Variants in TMEM117 observed in about 807,000 individuals in gnomAD.
TMEM117 encodes transmembrane protein 117.
A neutral mutation model predicts 52.4 loss-of-function variants in TMEM117; 27 were observed. That is an observed-to-expected ratio of 0.51 (90% confidence interval 0.38 to 0.71). The LOEUF (loss-of-function observed/expected upper bound fraction) is 0.71, where lower values mean the gene tolerates loss of function less well. Ranked by LOEUF, TMEM117 falls within the 30% of genes least tolerant of loss-of-function variation. The pLI is 0.00. For synonymous variants in TMEM117, 215 were observed against 206.3 expected, an observed-to-expected ratio of 1.04 and a Z score of -0.36; for missense variants, 556 against 630.5, an observed-to-expected ratio of 0.88 and a Z score of 1.26.
At chr12:43,942,829 T>C (rs1400830713) in intron 2 of TMEM117, among the ~76,000 whole-genome samples, 1 of 152,038 alleles carries the variant, frequency 6.6e-6, no homozygotes, top group Non-Finnish European at 1.5e-5. Flanking sequence ...CAGATAGAAA[T>C]ACATACATAT....
At chr12:43,935,801 GA>G (rs1416885431) in intron 2 of TMEM117, among the ~76,000 whole-genome samples, 1 of 152,166 alleles carries the variant, frequency 6.6e-6, no homozygotes, top group African/African-American at 2.4e-5. Flanking sequence ...TATTAACAAA[GA>G]AGACAACTTC....
intron 4 of TMEM117, among the ~76,000 whole-genome samples, chr12:44,183,348 A>G (rs888592768): frequency 6.6e-6 from 1 of 152,172 alleles, no homozygotes; most frequent in African/African-American, 2.4e-5. Flanking sequence ...AATTTTGGAT[A>G]CTTACTTTGC....
At chr12:43,992,175 A>T (rs1161437611) in intron 3 of TMEM117, among the ~76,000 whole-genome samples, 1 of 150,688 alleles carries the variant, frequency 6.6e-6, no homozygotes, top group African/African-American at 2.4e-5. Flanking sequence ...CCTGTCTCCA[A>T]AAAAAAAAGG....
chr12:44,202,442 G>A (rs12308750), intron 4 of TMEM117, among the ~76,000 whole-genome samples: 3,015 of 152,164 alleles, frequency 0.02, 56 homozygotes, highest in South Asian at 0.053. Flanking sequence ...TAAATGGATC[G>A]TATTTATTGA....
intron 6 of TMEM117, among the ~76,000 whole-genome samples, chr12:44,353,243 G>C (rs1177122883): frequency 6.6e-6 from 1 of 151,834 alleles, no homozygotes; most frequent in Non-Finnish European, 1.5e-5. Context: ...CCATTCTGTA[G>C]GTTGCCTGTT....
Position 44,025,507 on chromosome 12 carries a change from A to C in TMEM117, c.410+81165A>C, listed in dbSNP as rs899279341. On this transcript the variant is annotated intron_variant, in intron 3 of 7. Transcript: ENST00000266534. ...TGTTAAATTAACCCTATTTAAAGAT[A>C]GAAAAACAAGAATGTAGAGATCTAT... Among the ~76,000 whole-genome samples, 7 of 152,218 alleles carry C rather than the reference A, an allele frequency of 4.6e-5. No homozygotes were observed. The East Asian group carries it at 1.3e-3, about 29-fold the overall frequency.
At chr12:44,017,544 G>T (rs1037930453) in intron 3 of TMEM117, among the ~76,000 whole-genome samples, 1 of 151,908 alleles carries the variant, frequency 6.6e-6, no homozygotes, top group Non-Finnish European at 1.5e-5. Flanking sequence ...CTTGTCACTG[G>T]GTTGGCTAAC....
chr12:44,016,395 C>T (rs1946374436), intron 3 of TMEM117, among the ~76,000 whole-genome samples: 1 of 152,184 alleles, frequency 6.6e-6, no homozygotes, highest in Non-Finnish European at 1.5e-5. Context: ...GGAAACGGGA[C>T]CATCCCTATG....
At chr12:43,901,414 C>A (rs1201596297) in intron 2 of TMEM117, among the ~76,000 whole-genome samples, 2 of 151,992 alleles carry the variant, frequency 1.3e-5, no homozygotes, top group Non-Finnish European at 2.9e-5. Context: ...GGGTTCAAGC[C>A]ATTCTTCTGC....
At chr12:44,094,441 G>A (rs1328402803) in intron 3 of TMEM117, among the ~76,000 whole-genome samples, 1 of 151,978 alleles carries the variant, frequency 6.6e-6, no homozygotes, top group African/African-American at 2.4e-5. Context: ...TAATAGTAAT[G>A]GTTCCTAAAT....
At chr12:44,095,683 A>G (rs1947746751) in intron 3 of TMEM117, among the ~76,000 whole-genome samples, 1 of 152,084 alleles carries the variant, frequency 6.6e-6, no homozygotes, top group Non-Finnish European at 1.5e-5. Flanking sequence ...CAGGTTAGGT[A>G]TTCATTTTCA....
At chr12:44,058,389 A>G (rs1211258976) in intron 3 of TMEM117, among the ~76,000 whole-genome samples, 2 of 152,160 alleles carry the variant, frequency 1.3e-5, no homozygotes, top group East Asian at 3.9e-4. Context: ...CCAGGAAGGG[A>G]TTGGTAGGTG....
intron 6 of TMEM117, among the ~76,000 whole-genome samples, chr12:44,363,137 C>T (rs1258029061): frequency 6.6e-6 from 1 of 152,190 alleles, no homozygotes; most frequent in East Asian, 1.9e-4. Context: ...TGGGACTGGA[C>T]AGACCTAGGT....
At chr12:44,164,208 C>T (rs557685529) in intron 4 of TMEM117, among the ~76,000 whole-genome samples, 2 of 152,168 alleles carry the variant, frequency 1.3e-5, no homozygotes, top group Non-Finnish European at 2.9e-5. Context: ...TTATTAATAT[C>T]TTATTTTAAA....
intron 4 of TMEM117, among the ~76,000 whole-genome samples, chr12:44,171,266 C>T (rs1365489748): frequency 3.3e-5 from 5 of 152,136 alleles, no homozygotes; most frequent in African/African-American, 7.2e-5. Context: ...CCGCCCGCCT[C>T]GGCCTCCCAA....
At chr12:44,370,917 CAGAA>C (rs2138835592) in intron 6 of TMEM117, among the ~76,000 whole-genome samples, 1 of 152,184 alleles carries the variant, frequency 6.6e-6, no homozygotes, top group South Asian at 2.1e-4. Flanking sequence ...GTGAACAAAA[CAGAA>C]AGAAATTCCT....
chr12:44,044,929 G>A (rs977794658), intron 3 of TMEM117, among the ~76,000 whole-genome samples: 4 of 152,202 alleles, frequency 2.6e-5, no homozygotes, highest in African/African-American at 9.6e-5. Context: ...GTCAGGGACT[G>A]GGAAGAAGCA....
intron 3 of TMEM117, among the ~76,000 whole-genome samples, chr12:43,974,977 C>T (rs1945649865): frequency 6.6e-6 from 1 of 152,106 alleles, no homozygotes; most frequent in African/African-American, 2.4e-5. Flanking sequence ...ATGTATTTAA[C>T]CTATCACAAT....
intron 5 of TMEM117, among the ~76,000 whole-genome samples, chr12:44,251,004 T>C (rs563066062): frequency 7.2e-5 from 11 of 152,012 alleles, no homozygotes; most frequent in Non-Finnish European, 1.5e-4. Context: ...TAAAGTAAAA[T>C]AAAATAAAAA....
Sources: allele counts gnomAD v4.1 joint callset (sites outside exome capture counted in the v4.1 genomes callset), GRCh38; gene constraint gnomAD v4.1.1; transcripts MANE v1.5; gene names NCBI Gene and HGNC (gene_info 2026-07-23, HGNC 2026-07-21).